UIMC1: variants seen among roughly 807,000 people sequenced by gnomAD.
The protein encoded by UIMC1 is BRCA1-A complex subunit RAP80.
In UIMC1, 42 loss-of-function variants were observed where a neutral mutation model predicts 84.9. That is an observed-to-expected ratio of 0.49 (90% CI 0.39 to 0.64). The LOEUF (loss-of-function observed/expected upper bound fraction) is 0.64. UIMC1 is among the 30% of genes least tolerant of loss of function. The pLI is 0.00. For missense variants in UIMC1, 825 were observed against 847.6 expected, an observed-to-expected ratio of 0.97 and a Z score of 0.33; for synonymous variants, 281 against 293.0, an observed-to-expected ratio of 0.96 and a Z score of 0.42.
In UIMC1 at chr5:176,975,426, C is replaced by T. The variant is rs1403657199; in HGVS notation, c.202G>A (p.Ala68Thr). The change falls in exon 3 of 15, where the codon GCA becomes ACA. Residue 68 changes from alanine to threonine, a missense_variant. Physicochemically the swap from Ala to Thr is moderately conservative, Grantham distance 58. Coordinates refer to ENST00000511320, the MANE Select transcript of UIMC1 (RefSeq NM_001199298.2). ...ATTTTTCTTTTGGCCAAACACTTTG[C>T]TCTATTCGACTGTTTTGTCTTCGTT... The part of the protein sequence containing the change: ...QKTKTKQSNR[A>T]KCLAKRKIAQ... 2 of 1,613,798 alleles carry T rather than the reference C, an allele frequency of 1.2e-6. No homozygotes were observed. The highest frequency in any genetic ancestry group is 8.5e-7 in the Non-Finnish European group (1 of 1,179,930).
intron 9 of UIMC1, among the ~76,000 whole-genome samples, chr5:176,949,099 A>T (rs1402462894): frequency 6.6e-6 from 1 of 151,616 alleles, no homozygotes; most frequent in African/African-American, 2.4e-5. Flanking sequence ...TTTTAAAAAA[A>T]TTTATTTATT....
chr5:176,999,945 G>A (rs971657379), intron 1 of UIMC1, among the ~76,000 whole-genome samples: 3 of 152,046 alleles, frequency 2.0e-5, no homozygotes, highest in African/African-American at 7.2e-5. Context: ...TCATACGATA[G>A]CTCTACTTTT....
At chr5:176,905,824 A>C in intron 14 of UIMC1, 187 bp downstream of exon 14, 4 of 657,858 alleles carry the variant, frequency 6.1e-6, no homozygotes, top group Non-Finnish European at 7.8e-6. Context: ...AACACAATGA[A>C]TGAATTGAGT....
chr5:176,915,967 T>C (rs777723044), intron 10 of UIMC1, among the ~76,000 whole-genome samples: 6 of 151,968 alleles, frequency 3.9e-5, no homozygotes, highest in Non-Finnish European at 8.8e-5. Context: ...AGAAGAAAAT[T>C]TGAAGGGAGA....
intron 1 of UIMC1, among the ~76,000 whole-genome samples, chr5:177,002,362 G>A (rs1040006533): frequency 1.3e-5 from 2 of 152,102 alleles, no homozygotes; most frequent in Admixed American, 1.3e-4. Flanking sequence ...ACCTCTGGAG[G>A]GTACTGATTG....
At chr5:177,010,253 C>T (rs114625034), upstream of UIMC1, among the ~76,000 whole-genome samples, 1,643 of 152,144 alleles carry the variant, frequency 0.011, 9 homozygotes, top group South Asian at 0.025. Context: ...TGTATCATCA[C>T]GCATAGACCT....
intron 1 of UIMC1, among the ~76,000 whole-genome samples, chr5:177,002,926 A>T (rs934437154): frequency 2.6e-5 from 4 of 152,170 alleles, no homozygotes; most frequent in Non-Finnish European, 4.4e-5. Context: ...AGGCACTTGC[A>T]CTTTTGTCTC....
intron 5 of UIMC1, 34 bp downstream of exon 5, chr5:176,969,567 G>T: frequency 1.3e-6 from 2 of 1,592,618 alleles, no homozygotes; most frequent in Non-Finnish European, 1.7e-6. Flanking sequence ...AGTTATACTT[G>T]ATGAATGGAA....
intron 2 of UIMC1, among the ~76,000 whole-genome samples, chr5:176,978,794 C>A (rs10077699): frequency 6.6e-6 from 1 of 151,962 alleles, no homozygotes; most frequent in African/African-American, 2.4e-5. Flanking sequence ...TAAAGGACAT[C>A]TGATTAAACA....
chr5:176,932,055 A>G (rs984587722), intron 10 of UIMC1, among the ~76,000 whole-genome samples: 4 of 152,204 alleles, frequency 2.6e-5, no homozygotes, highest in Admixed American at 2.0e-4. Context: ...TATTAATCCC[A>G]GAGGAGTAAA....
At chr5:176,975,810 T>C (rs1282856651) in intron 2 of UIMC1, among the ~76,000 whole-genome samples, 1 of 152,168 alleles carries the variant, frequency 6.6e-6, no homozygotes, top group Non-Finnish European at 1.5e-5. Context: ...ACAATAATAA[T>C]GTTTAAACTC....
chr5:176,931,359 G>T (rs1408733489), intron 10 of UIMC1, among the ~76,000 whole-genome samples: 1 of 152,178 alleles, frequency 6.6e-6, no homozygotes, highest in African/African-American at 2.4e-5. Flanking sequence ...AACACATAAT[G>T]CTTTGGGTAT....
At chr5:177,017,263 T>C (rs1775692775) in intron 1 of UIMC1, among the ~76,000 whole-genome samples, 1 of 152,176 alleles carries the variant, frequency 6.6e-6, no homozygotes, top group Non-Finnish European at 1.5e-5. Context: ...GTTTGAGATG[T>C]GTTCTTAGAG....
intron 1 of UIMC1, among the ~76,000 whole-genome samples, chr5:176,998,507 C>T (rs1252120009): frequency 6.9e-6 from 1 of 144,198 alleles, no homozygotes; most frequent in Non-Finnish European, 1.5e-5. Context: ...GTGGCTCACG[C>T]CTGTAATCCT....
At chr5:177,008,791 T>G (rs1775484062), upstream of UIMC1, among the ~76,000 whole-genome samples, 1 of 152,116 alleles carries the variant, frequency 6.6e-6, no homozygotes, top group Non-Finnish European at 1.5e-5. Flanking sequence ...GGCATGTCAT[T>G]TCCAAGAGTG....
Position 176,975,483 on chromosome 5 carries a change from G to A in UIMC1, c.148-3C>T, listed in dbSNP as rs753005436. ...AACCCATTTTCCTCCTTTGGTTCCT[G>A]TTGCAAAACAAGAAATATCATCAGT... On this transcript the variant is annotated splice_polypyrimidine_tract_variant and splice_region_variant and intron_variant, in intron 2 of 14. Transcript: ENST00000511320. 23 of 1,613,766 alleles carry A rather than the reference G, an allele frequency of 1.4e-5. No homozygotes were observed. Among genetic ancestry groups the A allele is most frequent in the Non-Finnish European group, 1.7e-5 (20 of 1,179,926 alleles).
At position 177,003,654 on chromosome 5, in the gene UIMC1, AAAAC is replaced by A. The variant is rs374846412; in HGVS notation, c.-9+2992_-9+2995del. Among the ~76,000 whole-genome samples the A allele has an allele frequency of 7.9e-3, 1,204 of 152,248 alleles. 10 individuals carry two copies. Among genetic ancestry groups the A allele is most frequent in the East Asian group, 0.027 (139 of 5,184 alleles). ...GGCGACAGAATGAGACTCTGTCTCA[AAAAC>A]AAACAAACAAACAAACAAACAAAAA... On this transcript the variant is annotated intron_variant, in intron 1 of 14. Transcript: ENST00000511320.
intron 10 of UIMC1, among the ~76,000 whole-genome samples, chr5:176,920,803 C>T (rs1561737260): frequency 6.6e-6 from 1 of 152,172 alleles, no homozygotes. Flanking sequence ...TGGCTAGAAC[C>T]TCCTTTACCA....
Position 176,905,079 on chromosome 5 carries a change from T to C in UIMC1, c.*203A>G. 1 of 453,258 alleles carries C rather than the reference T, an allele frequency of 2.2e-6. No homozygotes were observed. The highest frequency in any genetic ancestry group is 3.9e-6 in the Non-Finnish European group (1 of 259,342). 28.1% of individuals were successfully genotyped at this position (453,258 alleles called of 1,614,324 possible). A position where few individuals can be genotyped will look rare whatever the true frequency, so the allele number is the denominator to read the frequency against. On this transcript the variant is annotated 3_prime_UTR_variant, in exon 15 of 15. Transcript: ENST00000511320. Reference sequence around the variant, plus strand: ...TTTAAATTTTTTAACTGTAAGTAAATTCAAACAAACTGTTATAAAACAGAA... The same window carrying C: ...TTTAAATTTTTTAACTGTAAGTAAACTCAAACAAACTGTTATAAAACAGAA...
Sources: gnomAD v4.1 joint callset for allele counts (sites outside exome capture counted in the v4.1 genomes callset) on GRCh38, gnomAD v4.1.1 for gene constraint, MANE v1.5 for transcripts, NCBI Gene and HGNC (gene_info 2026-07-23, HGNC 2026-07-21) for gene names.